Variants in THOP1 observed in about 807,000 individuals in gnomAD.
The protein encoded by THOP1 is thimet oligopeptidase 1, also known as thimet oligopeptidase.
A neutral mutation model predicts 71.8 loss-of-function variants in THOP1; 49 were observed. The observed-to-expected ratio is 0.68, with a 90% CI of 0.54 to 0.87. THOP1 has a LOEUF of 0.87. Ranked by LOEUF, THOP1 falls within the 40% of genes least tolerant of loss-of-function variation. The pLI is 0.00. For synonymous variants in THOP1, 426 were observed against 421.5 expected (o/e 1.01, Z -0.13); for missense variants, 843 against 975.6 (o/e 0.86, Z 1.81).
intron 2 of THOP1, 44 bp from the exon 3 acceptor site, chr19:2,794,720 G>C: frequency 6.3e-7 from 1 of 1,584,372 alleles, no homozygotes; most frequent in Non-Finnish European, 8.6e-7. Context: ...CAGTTGTACT[G>C]GGGCCTGTTC....
intron 1 of THOP1, 50 bp downstream of exon 1, chr19:2,785,728 C>G: frequency 1.5e-6 from 2 of 1,349,246 alleles, no homozygotes; most frequent in Non-Finnish European, 1.9e-6. Flanking sequence ...CACCCTCGCT[C>G]CTCCCGGGGT....
rs1384626786 is a variant in THOP1, at chr19:2,785,582, CAGGCGGCCTCAGTGGCCGAGGT to C, written c.-80_-59del. On this transcript the variant is annotated 5_prime_UTR_variant, in exon 1 of 13. Transcript: ENST00000307741. The stretch of plus-strand genomic sequence containing the variant: ...GGCGGTGGCGGCGGTTGGGCCGAGG[CAGGCGGCCTCAGTGGCCGAGGT>C]GGCTGGACGCGTAGCAGGTGGAAGG... The C allele has an allele frequency of 1.1e-5, 16 of 1,450,532 alleles. No homozygotes were observed. The highest frequency in any genetic ancestry group is 1.5e-5 in the Non-Finnish European group (16 of 1,093,224). 89.9% of individuals were successfully genotyped at this position (1,450,532 alleles called of 1,614,324 possible).
In THOP1 at chr19:2,807,806, G is replaced by A. The variant is rs375501983; in HGVS notation, c.1251G>A (p.Pro417=). 2.9e-5 allele frequency: 43 copies of A among 1,489,556 alleles called. No homozygotes were observed. The highest frequency in any genetic ancestry group is 3.5e-5 in the Non-Finnish European group (39 of 1,121,670). 92.3% of individuals were successfully genotyped at this position (1,489,556 alleles called of 1,614,324 possible). Residue 417 remains proline, a splice_region_variant and synonymous_variant, in exon 8 of 13, where the codon CCG becomes CCA. Transcript: ENST00000307741. ...GCAAGTTCTACCTGGACCTGTACCC[G>A]CGGTGGGTGAGGGCAGCGGGGGCGG... ...VVGKFYLDLY[P]REGKYGHAAC...
chr19:2,806,139 T>C (rs1916286638), intron 6 of THOP1: 1 of 152,352 alleles, frequency 6.6e-6, no homozygotes, highest in South Asian at 2.1e-4. Flanking sequence ...TGAATTCATG[T>C]TGCTGTTAAG....
At chr19:2,809,304 G>C (rs1468835380) in intron 9 of THOP1, among the ~76,000 whole-genome samples, 1 of 152,168 alleles carries the variant, frequency 6.6e-6, no homozygotes, top group Non-Finnish European at 1.5e-5. Flanking sequence ...TCCCCATGAG[G>C]CACATCATGG....
intron 5 of THOP1, among the ~76,000 whole-genome samples, chr19:2,802,635 G>C (rs554588047): frequency 5.3e-5 from 8 of 152,180 alleles, no homozygotes; most frequent in Non-Finnish European, 1.2e-4. Context: ...CTGGCATTAA[G>C]TTCCTGGTGC....
chr19:2,785,700 G>A, intron 1 of THOP1, 22 bp downstream of exon 1: 1 of 1,436,964 alleles, frequency 7.0e-7, no homozygotes. Flanking sequence ...CCCGCTCGCC[G>A]GACCCGGGCG....
Position 2,807,674 on chromosome 19 carries a change from C to T in THOP1, c.1119C>T (p.Tyr373=). The stretch of plus-strand genomic sequence containing the variant: ...TCACGCACGGGCTGCTGGGCATCTA[C>T]CAGGAGCTCCTGGGGCTGGCCTTCC... ...QVVTHGLLGI[Y]QELLGLAFHH... The change falls in exon 8 of 13, where the codon TAC becomes TAT. Residue 373 remains tyrosine, a synonymous_variant. Transcript: ENST00000307741. 6.2e-7 allele frequency: 1 copy of T among 1,606,292 alleles called. No homozygotes were observed. Among genetic ancestry groups the T allele is most frequent in the Non-Finnish European group, 8.5e-7 (1 of 1,174,812 alleles).
intron 6 of THOP1, chr19:2,806,010 C>T (rs1248770494): frequency 6.7e-6 from 1 of 149,820 alleles, no homozygotes; most frequent in East Asian, 2.0e-4. Flanking sequence ...CGGGTGGGTA[C>T]CAATGGGGGT....
chr19:2,812,930 T>A (rs1916517538), intron 12 of THOP1, among the ~76,000 whole-genome samples, 185 bp from the exon 13 acceptor site: 1 of 152,106 alleles, frequency 6.6e-6, no homozygotes, highest in South Asian at 2.1e-4. Context: ...ACCCCCGCTC[T>A]GAGATTCTGA....
Position 2,808,343 on chromosome 19 carries a change from T to G in THOP1, c.1354T>G (p.Phe452Val), listed in dbSNP as rs1167566010. The change falls in exon 9 of 13, where the codon TTC becomes GTC. Residue 452 changes from phenylalanine (F) to valine (V), a missense_variant. Phe to Val is a conservative substitution (Grantham distance 50). Coordinates refer to ENST00000307741, the MANE Select transcript of THOP1 (RefSeq NM_003249.5). ...QIAIAAMVAN[F>V]TKPTADAPSL... is the part of the protein sequence containing the mutation. ...CGCCATCGCGGCCATGGTGGCCAAC[T>G]TCACCAAGCCCACAGCCGACGCGCC... The G allele has an allele frequency of 1.9e-6, 3 of 1,607,046 alleles. No homozygotes were observed. The African/African-American group carries it at 4.0e-5, about 21-fold the overall frequency.
chr19:2,795,060 G>A (rs1915982544), intron 3 of THOP1, 148 bp downstream of exon 3: 2 of 949,024 alleles, frequency 2.1e-6, no homozygotes, highest in South Asian at 1.7e-5. Context: ...CTGACCTCAA[G>A]TGATCCGCCC....
At position 2,807,802 on chromosome 19, in the gene THOP1, A is replaced by G. The variant is rs548279995; in HGVS notation, c.1247A>G (p.Tyr416Cys). ...EVVGKFYLDL[Y>C]PREGKYGHAA... ...GTCGGCAAGTTCTACCTGGACCTGTACCCGCGGTGGGTGAGGGCAGCGGGG... is the reference window on the plus strand; with the variant it reads ...GTCGGCAAGTTCTACCTGGACCTGTGCCCGCGGTGGGTGAGGGCAGCGGGG... The change falls in exon 8 of 13, where the codon TAC becomes TGC. Residue 416 changes from tyrosine (Y) to cysteine (C), a missense_variant. Transcript: ENST00000307741. The G allele has an allele frequency of 2.7e-6, 4 of 1,493,100 alleles. No homozygotes were observed. Among genetic ancestry groups the G allele is most frequent in the Non-Finnish European group, 3.6e-6 (4 of 1,122,502 alleles). The allele number at this position is 1,493,100 out of a possible 1,614,324, so 92.5% of individuals were successfully genotyped here. A position where few individuals can be genotyped will look rare whatever the true frequency, so the allele number is the denominator to read the frequency against.
intron 11 of THOP1, 52 bp from the exon 12 acceptor site, chr19:2,811,546 A>T: frequency 1.3e-6 from 2 of 1,571,880 alleles, no homozygotes; most frequent in Non-Finnish European, 1.7e-6. Context: ...CTCCTGGAGG[A>T]GGAGCATGGG....
chr19:2,812,002 C>A, intron 12 of THOP1: 1 of 1,023,710 alleles, frequency 9.8e-7, no homozygotes, highest in Non-Finnish European at 1.4e-6. Context: ...CGGTGCTGCC[C>A]ACAGCTCCTC....
Position 2,799,669 on chromosome 19 carries a change from C to A in THOP1, c.487-20C>A. The A allele has an allele frequency of 1.2e-6, 2 of 1,603,094 alleles. No homozygotes were observed. Among genetic ancestry groups the A allele is most frequent in the Non-Finnish European group, 1.7e-6 (2 of 1,171,346 alleles). On this transcript the variant is annotated intron_variant, in intron 4 of 12. Transcript: ENST00000307741. ...CCGCCCCGGTCTCTCCCTCCCCTCACGCCCCGCCTTTCTCTCCAGAACATC... is the reference window on the plus strand; with the variant it reads ...CCGCCCCGGTCTCTCCCTCCCCTCAAGCCCCGCCTTTCTCTCCAGAACATC...
chr19:2,794,700 C>A, intron 2 of THOP1, 64 bp from the exon 3 acceptor site: 1 of 1,559,610 alleles, frequency 6.4e-7, no homozygotes, highest in Non-Finnish European at 8.8e-7. Context: ...GGGGTCCGGG[C>A]AACACCTGCC....
chr19:2,789,611 A>AC (rs1433946202), intron 1 of THOP1, among the ~76,000 whole-genome samples: 3 of 150,404 alleles, frequency 2.0e-5, no homozygotes, highest in South Asian at 4.2e-4. Flanking sequence ...CCTCCCGAAA[A>AC]CCCCCCGATA....
rs542418392 is a variant in THOP1, at chr19:2,801,687, C to T, written c.589+1896C>T. On this transcript the variant is annotated intron_variant, in intron 5 of 12. Coordinates refer to ENST00000307741, the MANE Select transcript of THOP1 (RefSeq NM_003249.5). The surrounding 1 kb of genome is among the most constrained non-coding windows in gnomAD (Gnocchi z 5.1). ...GTCACAGCTCTGGAGGCTGAGAAGTCCCAGGTCGAGGGGCCATATCTGGCC... is the reference window on the plus strand; with the variant it reads ...GTCACAGCTCTGGAGGCTGAGAAGTTCCAGGTCGAGGGGCCATATCTGGCC... Among the ~76,000 whole-genome samples, 1 of 152,272 alleles carries T rather than the reference C, an allele frequency of 6.6e-6. No homozygotes were observed. Among genetic ancestry groups the T allele is most frequent in the South Asian group, 2.1e-4 (1 of 4,828 alleles).
Sources: allele counts gnomAD v4.1 joint callset (sites outside exome capture counted in the v4.1 genomes callset), GRCh38; gene constraint gnomAD v4.1.1; non-coding constraint Gnocchi (gnomAD v3.1); transcripts MANE v1.5; gene names NCBI Gene and HGNC (gene_info 2026-07-23, HGNC 2026-07-21).